NFAT5: variants seen among roughly 807,000 people sequenced by gnomAD.
NFAT5 encodes the protein nuclear factor of activated T cells 5.
NFAT5 carries 31 observed loss-of-function variants against 166.5 expected under a neutral mutation model. The ratio of observed to expected loss-of-function variants is 0.19; its 90% CI spans 0.14 to 0.25. NFAT5 has a LOEUF of 0.25. NFAT5 is among the 10% of genes least tolerant of loss of function. The pLI, the probability that NFAT5 is intolerant of heterozygous loss-of-function variation, is 1.00. For missense variants in NFAT5, 1,449 were observed against 1,821.8 expected, an observed-to-expected ratio of 0.80 and a Z score of 3.72; for synonymous variants, 612 against 639.7, an observed-to-expected ratio of 0.96 and a Z score of 0.65.
chr16:69,607,338 C>T (rs1463132906), intron 2 of NFAT5, among the ~76,000 whole-genome samples: 1 of 152,138 alleles, frequency 6.6e-6, no homozygotes, highest in Non-Finnish European at 1.5e-5. Context: ...TGGTTGTAGA[C>T]TTTTCCAAGG....
At chr16:69,630,476 C>T (rs2034665371) in intron 3 of NFAT5, among the ~76,000 whole-genome samples, 1 of 152,152 alleles carries the variant, frequency 6.6e-6, no homozygotes, top group South Asian at 2.1e-4. Flanking sequence ...GGGCCCTCCT[C>T]CTCATTTTTA....
rs560455431 is a variant in NFAT5, at chr16:69,641,765, A to G, written c.254-5263A>G. 5.9e-5 allele frequency among the ~76,000 whole-genome samples: 9 copies of G among 152,274 alleles called. No homozygotes were observed. In the South Asian group the frequency reaches 1.7e-3, roughly 28 times the overall value. ...AAAATACAGTTTAAGCAAGGAGTAT[A>G]TAAAATCTACATGGGTTTCTATAAA... On this transcript the variant is annotated intron_variant, in intron 3 of 14. Coordinates refer to ENST00000349945, the MANE Select transcript of NFAT5 (RefSeq NM_138713.4).
chr16:69,585,424 A>G (rs554364771), intron 2 of NFAT5, among the ~76,000 whole-genome samples: 4 of 152,230 alleles, frequency 2.6e-5, no homozygotes, highest in Admixed American at 2.6e-4. Flanking sequence ...TGGTTCCCCC[A>G]AAAAAGTTAA....
chr16:69,609,632 A>G (rs1404165633), intron 2 of NFAT5, among the ~76,000 whole-genome samples: 1 of 152,034 alleles, frequency 6.6e-6, no homozygotes, highest in Non-Finnish European at 1.5e-5. Flanking sequence ...CTTATATCTC[A>G]AAGTATGAGG....
At chr16:69,659,952 G>A in intron 7 of NFAT5, 53 bp downstream of exon 7, 1 of 1,420,014 alleles carries the variant, frequency 7.0e-7, no homozygotes, top group Non-Finnish European at 9.5e-7. Flanking sequence ...TTCATTTTCT[G>A]TTAATCTTTT....
rs1253329850 is a variant in NFAT5 at position 69,698,961 on chromosome 16, A to G, written c.*2610A>G. 1 of 152,570 alleles carries G rather than the reference A, an allele frequency of 6.6e-6. No homozygotes were observed. Among genetic ancestry groups the G allele is most frequent in the African/African-American group, 2.4e-5 (1 of 41,418 alleles). The allele number at this position is 152,570 out of a possible 1,614,324, so 9.5% of individuals were successfully genotyped here. On this transcript the variant is annotated 3_prime_UTR_variant, in exon 15 of 15. Transcript: ENST00000349945. ...CCTATTGGGAAAAATTACCCAGTAT[A>G]GTTCAGGTTATGAGGAGGATCAGCC...
In NFAT5 at chr16:69,692,152, C is replaced by T; in HGVS notation, c.2327C>T (p.Ser776Leu). The change falls in exon 13 of 15, where the codon TCA becomes TTA. Residue 776 changes from serine (S) to leucine (L), a missense_variant. By Grantham distance (145) the Ser-to-Leu change is moderately radical (BLOSUM62 -2). Transcript: ENST00000349945. Reference sequence around the variant, plus strand: ...GCACAGACTTTACAGCAGCAGATTTCATCAAATATTTTTCCATCACCAAAT... The same window carrying T: ...GCACAGACTTTACAGCAGCAGATTTTATCAAATATTTTTCCATCACCAAAT... The part of the protein sequence containing the change: ...EQAQTLQQQI[S>L]SNIFPSPNSV... The T allele has an allele frequency of 1.2e-6, 2 of 1,614,140 alleles. No homozygotes were observed. Among genetic ancestry groups the T allele is most frequent in the Non-Finnish European group, 8.5e-7 (1 of 1,180,026 alleles).
At chr16:69,623,099 T>A (rs2034277935) in intron 2 of NFAT5, among the ~76,000 whole-genome samples, 1 of 152,084 alleles carries the variant, frequency 6.6e-6, no homozygotes, top group African/African-American at 2.4e-5. Flanking sequence ...GAGCCAAGAT[T>A]GCACCATTGC....
chr16:69,661,363 C>A (rs1215191340), intron 7 of NFAT5, among the ~76,000 whole-genome samples: 2 of 147,874 alleles, frequency 1.4e-5, no homozygotes, highest in African/African-American at 2.5e-5. Flanking sequence ...AATGAGAGAA[C>A]CTGTCTTTAC....
chr16:69,631,148 C>T (rs1056683905), intron 3 of NFAT5, among the ~76,000 whole-genome samples: 4 of 152,152 alleles, frequency 2.6e-5, no homozygotes, highest in Non-Finnish European at 4.4e-5. Flanking sequence ...ATGAATTAAA[C>T]TAGGCCGGGT....
chr16:69,685,013 T>C (rs1332595585), intron 11 of NFAT5, 43 bp downstream of exon 11: 1 of 1,391,374 alleles, frequency 7.2e-7, no homozygotes, highest in Admixed American at 1.8e-5. Context: ...TGGGTGCTCC[T>C]GTATGTTTTC....
chr16:69,667,494 TAAAAAA>T (rs57015431), intron 7 of NFAT5, among the ~76,000 whole-genome samples: 5 of 125,938 alleles, frequency 4.0e-5, no homozygotes, highest in African/African-American at 1.4e-4. Flanking sequence ...TTGCAGAAAC[TAAAAAA>T]AAAAAAAAAA....
At position 69,656,752 on chromosome 16, in the gene NFAT5, G is replaced by A. The variant is rs1453660165; in HGVS notation, c.1196+953G>A. Among the ~76,000 whole-genome samples the A allele has an allele frequency of 2.6e-5, 4 of 152,002 alleles. 1 individual carries two copies. Among genetic ancestry groups the A allele is most frequent in the Admixed American group, 6.6e-5 (1 of 15,254 alleles). ...CAGGCATGAGCCGCTGCACCCAGCC[G>A]AAAAACTGTTCAGCAGAGACTATGA... On this transcript the variant is annotated intron_variant, in intron 6 of 14. Transcript: ENST00000349945.
At chr16:69,639,545 G>A (rs1472963926) in intron 3 of NFAT5, among the ~76,000 whole-genome samples, 1 of 152,104 alleles carries the variant, frequency 6.6e-6, no homozygotes, top group Admixed American at 6.5e-5. Flanking sequence ...TTCAGCTTCA[G>A]CAGTAGTGCT....
intron 1 of NFAT5, among the ~76,000 whole-genome samples, chr16:69,567,024 CT>C (rs901190191): frequency 1.3e-5 from 2 of 150,814 alleles, no homozygotes; most frequent in South Asian, 2.1e-4. Context: ...ATTTTCTTTT[CT>C]TTTTTTTTCT....
chr16:69,618,999 G>A (rs2034082019), intron 2 of NFAT5, among the ~76,000 whole-genome samples: 1 of 152,130 alleles, frequency 6.6e-6, no homozygotes, highest in South Asian at 2.1e-4. Flanking sequence ...TATTTACGGA[G>A]CTTTTTTCCC....
intron 2 of NFAT5, among the ~76,000 whole-genome samples, chr16:69,576,480 A>G (rs2142914924): frequency 6.6e-6 from 1 of 152,032 alleles, no homozygotes. Flanking sequence ...TATGATTATG[A>G]CTCTTTTGGG....
intron 2 of NFAT5, among the ~76,000 whole-genome samples, chr16:69,608,214 G>A (rs141458302): frequency 2.6e-5 from 4 of 152,070 alleles, no homozygotes; most frequent in East Asian, 1.9e-4. Context: ...AAAATTAGCC[G>A]GGTGTTGTGG....
chr16:69,640,801 G>A (rs1346980738), intron 3 of NFAT5, among the ~76,000 whole-genome samples: 1 of 151,920 alleles, frequency 6.6e-6, no homozygotes, highest in Non-Finnish European at 1.5e-5. Context: ...GACCAACATG[G>A]TGAAACCCTG....
Sources: allele counts gnomAD v4.1 joint callset (sites outside exome capture counted in the v4.1 genomes callset), GRCh38; gene constraint gnomAD v4.1.1; transcripts MANE v1.5; gene names NCBI Gene and HGNC (gene_info 2026-07-23, HGNC 2026-07-21).